PPM1E: variants seen among roughly 807,000 people sequenced by gnomAD.
The protein encoded by PPM1E is protein phosphatase, Mg2+/Mn2+ dependent 1E, also known as protein phosphatase 1E.
In PPM1E, 20 loss-of-function variants were observed where a neutral mutation model predicts 65.9. The observed-to-expected ratio is 0.30, with a 90% CI of 0.21 to 0.44. The LOEUF (loss-of-function observed/expected upper bound fraction) is 0.44, where lower values mean the gene tolerates loss of function less well. Ranked by LOEUF, PPM1E falls within the 20% of genes least tolerant of loss-of-function variation. The pLI is 1.00. For missense variants in PPM1E, 713 were observed against 953.1 expected, an observed-to-expected ratio of 0.75 and a Z score of 3.32; for synonymous variants, 352 against 374.9, an observed-to-expected ratio of 0.94 and a Z score of 0.70.
intron 1 of PPM1E, among the ~76,000 whole-genome samples, chr17:58,915,476 C>T (rs937113645): frequency 2.0e-5 from 3 of 152,190 alleles, no homozygotes; most frequent in African/African-American, 7.2e-5. Context: ...CCGACCTCCT[C>T]TCTCATCCTA....
At chr17:58,761,024 G>A (rs1026449937) in intron 1 of PPM1E, among the ~76,000 whole-genome samples, 1 of 152,132 alleles carries the variant, frequency 6.6e-6, no homozygotes, top group East Asian at 1.9e-4. Context: ...TACACACAAG[G>A]TATTGCCCAC....
At chr17:58,803,210 G>A (rs2061824785) in intron 1 of PPM1E, among the ~76,000 whole-genome samples, 2 of 152,074 alleles carry the variant, frequency 1.3e-5, no homozygotes, top group African/African-American at 4.8e-5. Flanking sequence ...TTAGCTGTGG[G>A]CTTGTCATAT....
intron 1 of PPM1E, among the ~76,000 whole-genome samples, chr17:58,890,906 C>G (rs2051336626): frequency 6.6e-6 from 1 of 152,156 alleles, no homozygotes; most frequent in South Asian, 2.1e-4. Context: ...AGGACCTTTT[C>G]TCATTTACCT....
rs554157252 is a variant in PPM1E at position 58,982,838 on chromosome 17, A to T, written c.*1807A>T. On this transcript the variant is annotated 3_prime_UTR_variant, in exon 7 of 7. Coordinates refer to ENST00000308249, the MANE Select transcript of PPM1E (RefSeq NM_014906.5). Reference sequence around the variant, plus strand: ...ATCATTCTGAGGCTTTGCCCCACACATGGTCCTCACTCATATCTGTCACCT... The same window carrying T: ...ATCATTCTGAGGCTTTGCCCCACACTTGGTCCTCACTCATATCTGTCACCT... The T allele has an allele frequency of 1.4e-6, 2 of 1,416,312 alleles. No homozygotes were observed. Among genetic ancestry groups the T allele is most frequent in the East Asian group, 4.9e-5 (2 of 40,772 alleles). The allele number at this position is 1,416,312 out of a possible 1,614,324, so 87.7% of individuals were successfully genotyped here.
At chr17:58,916,347 T>G (rs1212741386) in intron 1 of PPM1E, among the ~76,000 whole-genome samples, 1 of 152,192 alleles carries the variant, frequency 6.6e-6, no homozygotes. Flanking sequence ...ATTGTCCTGT[T>G]TCCCTGATCC....
At chr17:58,940,870 G>C (rs375781296) in intron 1 of PPM1E, among the ~76,000 whole-genome samples, 1 of 152,030 alleles carries the variant, frequency 6.6e-6, no homozygotes, top group Admixed American at 6.6e-5. Context: ...GCCACCATGC[G>C]TGGCTAATTT....
intron 1 of PPM1E, among the ~76,000 whole-genome samples, chr17:58,809,387 C>A (rs2050344061): frequency 6.6e-6 from 1 of 152,070 alleles, no homozygotes; most frequent in African/African-American, 2.4e-5. Flanking sequence ...CTGTACCTGG[C>A]CAAATTAACA....
intron 1 of PPM1E, among the ~76,000 whole-genome samples, chr17:58,781,841 A>G (rs1567831814): frequency 6.6e-6 from 1 of 151,970 alleles, no homozygotes; most frequent in Non-Finnish European, 1.5e-5. Flanking sequence ...AGCCAAGATC[A>G]CGCCTGTGCA....
intron 1 of PPM1E, among the ~76,000 whole-genome samples, chr17:58,794,348 G>A (rs538950870): frequency 2.6e-5 from 4 of 152,244 alleles, no homozygotes; most frequent in East Asian, 1.9e-4. Flanking sequence ...AAAGTGCTGC[G>A]ATTACAGGTG....
intron 1 of PPM1E, among the ~76,000 whole-genome samples, chr17:58,781,929 G>A (rs2050054582): frequency 6.6e-6 from 1 of 151,930 alleles, no homozygotes; most frequent in Admixed American, 6.6e-5. Context: ...TTTTTTCTTG[G>A]GATGGTAAGA....
intron 1 of PPM1E, among the ~76,000 whole-genome samples, chr17:58,800,549 T>C (rs1228586290): frequency 2.0e-5 from 3 of 152,190 alleles, no homozygotes; most frequent in Admixed American, 1.3e-4. Context: ...TATCTTGGCA[T>C]GGGTTTTCTT....
rs147781861 is a variant in PPM1E at position 58,769,425 on chromosome 17, T to C, written c.464+12964T>C. Among the ~76,000 whole-genome samples the C allele has an allele frequency of 6.6e-5, 10 of 152,138 alleles. No homozygotes were observed. The East Asian group carries it at 1.9e-3, about 29-fold the overall frequency. ...ACCTGGGCAACATGACAAAACCCTG[T>C]CTCTACCAAAAAAATACAAAAATTA... On this transcript the variant is annotated intron_variant, in intron 1 of 6. Transcript: ENST00000308249.
At chr17:58,949,396 A>G (rs1484570612) in intron 1 of PPM1E, among the ~76,000 whole-genome samples, 1 of 152,122 alleles carries the variant, frequency 6.6e-6, no homozygotes, top group Non-Finnish European at 1.5e-5. Flanking sequence ...CTTATAGATG[A>G]GGTGAGTTTC....
intron 1 of PPM1E, among the ~76,000 whole-genome samples, chr17:58,904,703 A>G (rs1230366324): frequency 6.6e-6 from 1 of 152,046 alleles, no homozygotes; most frequent in East Asian, 1.9e-4. Context: ...AGTTTTCCTT[A>G]TATTAGATCT....
chr17:58,880,541 C>G (rs2051183153), intron 1 of PPM1E, among the ~76,000 whole-genome samples: 1 of 152,202 alleles, frequency 6.6e-6, no homozygotes, highest in Middle Eastern at 3.2e-3. Context: ...TTTGGCTAGA[C>G]TCACAGACTT....
intron 1 of PPM1E, among the ~76,000 whole-genome samples, chr17:58,853,860 A>C (rs1035525296): frequency 6.6e-6 from 1 of 152,020 alleles, no homozygotes; most frequent in Non-Finnish European, 1.5e-5. Context: ...TGAAGTGTGA[A>C]TCCTCCAGCA....
At chr17:58,894,072 CA>C (rs573411928) in intron 1 of PPM1E, among the ~76,000 whole-genome samples, 3 of 151,048 alleles carry the variant, frequency 2.0e-5, no homozygotes, top group Admixed American at 6.6e-5. Context: ...GACCCTGTCT[CA>C]AAAAAAACAA....
chr17:58,873,318 T>G (rs1598621894), intron 1 of PPM1E, among the ~76,000 whole-genome samples: 2 of 152,296 alleles, frequency 1.3e-5, no homozygotes, highest in South Asian at 4.1e-4. Flanking sequence ...TTACTGTTTT[T>G]CTAAAATAAA....
At chr17:58,778,245 G>A (rs532248581) in intron 1 of PPM1E, among the ~76,000 whole-genome samples, 39 of 151,880 alleles carry the variant, frequency 2.6e-4, no homozygotes, top group Middle Eastern at 3.4e-3. Context: ...AATTACAGGC[G>A]TGTGCCACCA....
Sources: allele counts gnomAD v4.1 joint callset (sites outside exome capture counted in the v4.1 genomes callset), GRCh38; gene constraint gnomAD v4.1.1; transcripts MANE v1.5; gene names NCBI Gene and HGNC (gene_info 2026-07-23, HGNC 2026-07-21).